MDGA2: variants seen among roughly 807,000 people sequenced by gnomAD.
The protein encoded by MDGA2 is MAM domain-containing glycosylphosphatidylinositol anchor protein 2.
A neutral mutation model predicts 117.8 loss-of-function variants in MDGA2; 40 were observed. The observed-to-expected ratio is 0.34, with a 90% confidence interval of 0.26 to 0.44. The LOEUF is 0.44. MDGA2 is among the 20% of genes least tolerant of loss of function. MDGA2 has a pLI of 1.00. For synonymous variants in MDGA2, 452 were observed against 439.0 expected (o/e 1.03, Z -0.37); for missense variants, 1,123 against 1,250.6 (o/e 0.90, Z 1.54).
At chr14:46,882,465 T>G (rs1378290060) in intron 10 of MDGA2, among the ~76,000 whole-genome samples, 1 of 151,532 alleles carries the variant, frequency 6.6e-6, no homozygotes, top group Non-Finnish European at 1.5e-5. Context: ...TAATGTTTAG[T>G]AAGAGTCAGA....
chr14:46,882,230 A>G lies in MDGA2; in HGVS notation c.2239-9T>C. 1 of 1,604,460 alleles carries G rather than the reference A, an allele frequency of 6.2e-7. No individual in the cohort carries two copies. Among genetic ancestry groups the G allele is most frequent in the Non-Finnish European group, 8.5e-7 (1 of 1,175,266 alleles). The stretch of plus-strand genomic sequence containing the variant: ...CAGCGCTGCTGTCCAGCCTGAAATC[A>G]AAACAATAATAGAATAATGTTCCCA... On this transcript the variant is annotated splice_polypyrimidine_tract_variant and intron_variant, in intron 10 of 16. Transcript: ENST00000399232.
rs76308510 is a variant in MDGA2, at chr14:47,031,764, T to C, written c.1819+3247A>G. ...TGCGATAGGATAGTGTGAGTTCTCATGAGACGTATTCATTTAAAAATGTGT... is the reference window on the plus strand; with the variant it reads ...TGCGATAGGATAGTGTGAGTTCTCACGAGACGTATTCATTTAAAAATGTGT... On this transcript the variant is annotated intron_variant, in intron 8 of 16. Coordinates refer to ENST00000399232, the MANE Select transcript of MDGA2 (RefSeq NM_001113498.3). 8.4e-3 allele frequency among the ~76,000 whole-genome samples: 1,281 copies of C among 152,256 alleles called. 12 individuals carry two copies. The highest frequency in any genetic ancestry group is 0.012 in the Non-Finnish European group (817 of 68,016).
At chr14:46,875,723 C>A (rs546454607) in intron 12 of MDGA2, among the ~76,000 whole-genome samples, 2 of 151,314 alleles carry the variant, frequency 1.3e-5, no homozygotes, top group Non-Finnish European at 3.0e-5. Context: ...GCTACTCTGG[C>A]GGTTTGAATA....
intron 14 of MDGA2, among the ~76,000 whole-genome samples, chr14:46,872,994 GA>G (rs57820221): frequency 0.3 from 45,999 of 151,664 alleles, 7,280 homozygotes; most frequent in South Asian, 0.52. Context: ...TTAAAAACAT[GA>G]AAAAAATCAC....
At chr14:47,129,305 T>C (rs1440521137) in intron 5 of MDGA2, among the ~76,000 whole-genome samples, 5 of 149,924 alleles carry the variant, frequency 3.3e-5, no homozygotes, top group African/African-American at 9.8e-5. Context: ...TGTGATCTCA[T>C]TGTTCAATTC....
chr14:46,941,509 A>C (rs142324526), intron 9 of MDGA2, among the ~76,000 whole-genome samples: 127 of 152,220 alleles, frequency 8.3e-4, no homozygotes, highest in African/African-American at 3.0e-3. Flanking sequence ...TCATCCATTA[A>C]TCATTCCTTC....
intron 3 of MDGA2, among the ~76,000 whole-genome samples, chr14:47,208,049 T>C (rs1226633267): frequency 2.0e-5 from 3 of 151,942 alleles, no homozygotes; most frequent in Non-Finnish European, 4.4e-5. Flanking sequence ...TTTCCTTCAA[T>C]TGTCAAAGGG....
At chr14:47,427,798 T>C (rs1357042891) in intron 1 of MDGA2, among the ~76,000 whole-genome samples, 1 of 151,866 alleles carries the variant, frequency 6.6e-6, no homozygotes, top group Non-Finnish European at 1.5e-5. Flanking sequence ...AGGGGAAGCC[T>C]CACATGGCTC....
intron 1 of MDGA2, among the ~76,000 whole-genome samples, chr14:47,626,092 C>T (rs1897133665): frequency 6.6e-6 from 1 of 152,224 alleles, no homozygotes; most frequent in South Asian, 2.1e-4. Context: ...CATTGACCCT[C>T]TGTTTGATTA....
intron 1 of MDGA2, among the ~76,000 whole-genome samples, chr14:47,370,638 T>C (rs1891335809): frequency 2.0e-5 from 3 of 151,184 alleles, no homozygotes; most frequent in East Asian, 3.9e-4. Context: ...GTTTTGTTTA[T>C]ATTGTATATA....
chr14:47,184,874 A>G (rs1052104088), intron 3 of MDGA2, among the ~76,000 whole-genome samples: 12 of 151,618 alleles, frequency 7.9e-5, no homozygotes, highest in East Asian at 3.9e-4. Flanking sequence ...TATGCATGCT[A>G]AAATTTTAGT....
chr14:46,845,752 G>A lies in MDGA2; in HGVS notation c.2989+14C>T. 6.5e-7 allele frequency: 1 copy of A among 1,540,716 alleles called. No homozygotes were observed. ...TAACGTTACAACAAACCAATCTCAAGCAAAGATACTTACTCTTAGTTGCTA... is the reference window on the plus strand; with the variant it reads ...TAACGTTACAACAAACCAATCTCAAACAAAGATACTTACTCTTAGTTGCTA... On this transcript the variant is annotated intron_variant, in intron 16 of 16. Coordinates refer to ENST00000399232, the MANE Select transcript of MDGA2 (RefSeq NM_001113498.3).
intron 1 of MDGA2, among the ~76,000 whole-genome samples, chr14:47,437,741 T>C (rs1892926635): frequency 6.6e-6 from 1 of 152,112 alleles, no homozygotes; most frequent in Non-Finnish European, 1.5e-5. Flanking sequence ...ATCATTTAAA[T>C]TAAACAAACA....
At chr14:47,524,867 G>A (rs1033972350) in intron 1 of MDGA2, among the ~76,000 whole-genome samples, 2 of 152,158 alleles carry the variant, frequency 1.3e-5, no homozygotes, top group Non-Finnish European at 2.9e-5. Context: ...TTTCTTAAGC[G>A]AGTTGTGGTC....
chr14:47,589,732 T>C (rs1896400497), intron 1 of MDGA2, among the ~76,000 whole-genome samples: 1 of 152,014 alleles, frequency 6.6e-6, no homozygotes, highest in African/African-American at 2.4e-5. Context: ...GTAGATTGTA[T>C]GGAAGCTATA....
intron 1 of MDGA2, among the ~76,000 whole-genome samples, chr14:47,328,085 GATAATCTTAACA>G (rs1296873118): frequency 1.3e-5 from 2 of 152,128 alleles, no homozygotes; most frequent in Non-Finnish European, 2.9e-5. Context: ...TTCTTCCTAT[GATAATCTTAACA>G]AAGTCACTCT....
intron 12 of MDGA2, among the ~76,000 whole-genome samples, chr14:46,876,154 A>G (rs187749838): frequency 6.4e-4 from 97 of 151,660 alleles, no homozygotes; most frequent in Non-Finnish European, 1.1e-3. Flanking sequence ...CAAATCAAAC[A>G]AAGATACTTA....
chr14:46,879,417 TC>T (rs1187505390), intron 11 of MDGA2, among the ~76,000 whole-genome samples: 2 of 152,128 alleles, frequency 1.3e-5, no homozygotes, highest in African/African-American at 4.8e-5. Context: ...ATACATTGCC[TC>T]TAAACCATTA....
At chr14:47,457,547 C>T (rs1893381273) in intron 1 of MDGA2, among the ~76,000 whole-genome samples, 1 of 152,108 alleles carries the variant, frequency 6.6e-6, no homozygotes, top group Non-Finnish European at 1.5e-5. Flanking sequence ...AGATAATATA[C>T]TGTCTCCAAA....
Sources: allele counts gnomAD v4.1 joint callset (sites outside exome capture counted in the v4.1 genomes callset), GRCh38; gene constraint gnomAD v4.1.1; transcripts MANE v1.5; gene names NCBI Gene and HGNC (gene_info 2026-07-23, HGNC 2026-07-21).